The following TXNDC11 variants were observed in gnomAD, a reference collection of about 807,000 sequenced individuals.
The protein encoded by TXNDC11 is thioredoxin domain containing 11.
A neutral mutation model predicts 78.0 loss-of-function variants in TXNDC11; 68 were observed. The observed-to-expected ratio is 0.87, with a 90% confidence interval of 0.72 to 1.07. The LOEUF (loss-of-function observed/expected upper bound fraction) is 1.07, where lower values mean the gene tolerates loss of function less well. Among genes scored for constraint, TXNDC11 ranks in the 50% least tolerant of loss-of-function variants. The pLI is 0.00. For synonymous variants in TXNDC11, 571 were observed against 495.2 expected (o/e 1.15, Z -2.03); for missense variants, 1,389 against 1,221.8 (o/e 1.14, Z -2.04).
At position 11,691,957 on chromosome 16, in the gene TXNDC11, C is replaced by G. The variant is rs759717380; in HGVS notation, c.1233G>C (p.Gln411His). 1 of 1,610,210 alleles carries G rather than the reference C, an allele frequency of 6.2e-7. No homozygotes were observed. Among genetic ancestry groups the G allele is most frequent in the Admixed American group, 1.7e-5 (1 of 59,942 alleles). The part of the protein sequence containing the change: ...LESLALEVPA[Q>H]LPDPPTITAS... ...CTGTGATCGTTGGCGGGTCTGGCAG[C>G]TGTGCCGGCACTTCCAGGGCCAGGG... Residue 411 changes from glutamine (Q) to histidine (H), a missense_variant, in exon 8 of 12, where the codon CAG (glutamine) becomes CAC (histidine). By Grantham distance (24) the Gln-to-His change is conservative (BLOSUM62 0). Coordinates refer to ENST00000283033, the MANE Select transcript of TXNDC11 (RefSeq NM_015914.7).
intron 6 of TXNDC11, 32 bp downstream of exon 6, chr16:11,700,420 C>A: frequency 4.6e-6 from 5 of 1,084,728 alleles, no homozygotes; most frequent in Non-Finnish European, 5.6e-6. Context: ...AGAACCACTG[C>A]GCTAACATAA....
rs528008248 is a variant in TXNDC11 at position 11,731,166 on chromosome 16, C to T, written c.570-392G>A. Among the ~76,000 whole-genome samples, 18 of 152,262 alleles carry T rather than the reference C, an allele frequency of 1.2e-4. No individual in the cohort carries two copies. In the South Asian group the frequency reaches 1.7e-3, roughly 14 times the overall value. ...TCCAGGATTTAACTATACAATTCAA[C>T]GCAGGCGGGCAGACTTTCCTTCTAC... On this transcript the variant is annotated intron_variant, in intron 3 of 11. Coordinates refer to ENST00000283033, the MANE Select transcript of TXNDC11 (RefSeq NM_015914.7).
Position 11,742,585 on chromosome 16 carries a change from C to A in TXNDC11, c.146G>T (p.Arg49Leu). Residue 49 changes from arginine to leucine, a missense_variant, in exon 1 of 12, where the codon CGT becomes CTT. By Grantham distance (102) the Arg-to-Leu change is moderately radical. Coordinates refer to ENST00000283033, the MANE Select transcript of TXNDC11 (RefSeq NM_015914.7). ...LATASSAGRL[R>L]RGLRGAFLMA... ...GAGGAAGGCGCCACGCAGCCCGCGA[C>A]GGAGCCGGCCCGCCGAGGACGCTGT... 2 of 1,456,832 alleles carry A rather than the reference C, an allele frequency of 1.4e-6. No individual in the cohort carries two copies. Among genetic ancestry groups the A allele is most frequent in the Non-Finnish European group, 9.0e-7 (1 of 1,110,484 alleles). The allele number at this position is 1,456,832 out of a possible 1,614,324, so 90.2% of individuals were successfully genotyped here. A position where few individuals can be genotyped will look rare whatever the true frequency, so the allele number is the denominator to read the frequency against.
intron 11 of TXNDC11, among the ~76,000 whole-genome samples, chr16:11,681,163 C>T (rs1839382582): frequency 6.6e-6 from 1 of 152,126 alleles, no homozygotes; most frequent in Admixed American, 6.5e-5. Context: ...CAGAGTCAGA[C>T]CTTGTCTCAA....
At chr16:11,692,177 C>G (rs2050740848) in intron 7 of TXNDC11, 95 bp from the exon 8 acceptor site, 4 of 966,800 alleles carry the variant, frequency 4.1e-6, no homozygotes. Context: ...TTCAGTTATC[C>G]ATGGTCAACT....
chr16:11,707,551 C>T (rs879943079), intron 5 of TXNDC11, among the ~76,000 whole-genome samples: 10 of 151,670 alleles, frequency 6.6e-5, no homozygotes, highest in Non-Finnish European at 1.3e-4. Context: ...CAGGTTCAAG[C>T]GATTCTCCTG....
At chr16:11,718,476 T>C (rs1290303238) in intron 5 of TXNDC11, among the ~76,000 whole-genome samples, 2 of 152,226 alleles carry the variant, frequency 1.3e-5, no homozygotes, top group Non-Finnish European at 1.5e-5. Flanking sequence ...TAGAATTTAA[T>C]TTGAAACTGT....
At chr16:11,706,366 C>A (rs1270078395) in intron 5 of TXNDC11, among the ~76,000 whole-genome samples, 1 of 152,250 alleles carries the variant, frequency 6.6e-6, no homozygotes, top group Admixed American at 6.5e-5. Flanking sequence ...CTGCTTGCTA[C>A]AGAGGGTGCT....
chr16:11,691,200 A>G lies in TXNDC11; in HGVS notation c.1900+90T>C, dbSNP rs1188791614. The stretch of plus-strand genomic sequence containing the variant: ...GCTACGAAGGTGACATCACCCCACA[A>G]CTAAATGTAATGAGAGCCATCAATA... On this transcript the variant is annotated intron_variant, in intron 8 of 11. Transcript: ENST00000283033. 8.0e-6 allele frequency: 9 copies of G among 1,126,940 alleles called. 1 individual carries two copies. The Admixed American group carries it at 1.6e-4, about 20-fold the overall frequency. The allele number at this position is 1,126,940 out of a possible 1,614,324, so 69.8% of individuals were successfully genotyped here. A position where few individuals can be genotyped will look rare whatever the true frequency, so the allele number is the denominator to read the frequency against.
chr16:11,701,068 A>G lies in TXNDC11; in HGVS notation c.794-504T>C, dbSNP rs543041944. On this transcript the variant is annotated intron_variant, in intron 5 of 11. Coordinates refer to ENST00000283033, the MANE Select transcript of TXNDC11 (RefSeq NM_015914.7). ...TACCAATTACCCTATTTTTTATAGC[A>G]CTTATTAACATTTGCATAATCTCAT... Among the ~76,000 whole-genome samples the G allele has an allele frequency of 5.6e-4, 85 of 150,734 alleles. 1 individual carries two copies. In the South Asian group the frequency reaches 7.1e-3, roughly 13 times the overall value.
intron 2 of TXNDC11, 54 bp downstream of exon 2, chr16:11,735,963 C>A: frequency 6.4e-7 from 1 of 1,563,556 alleles, no homozygotes; most frequent in Non-Finnish European, 8.8e-7. Context: ...GGACATCCTG[C>A]CCTACATATA....
intron 10 of TXNDC11, among the ~76,000 whole-genome samples, chr16:11,684,744 C>T (rs2050519295): frequency 6.6e-6 from 1 of 152,198 alleles, no homozygotes; most frequent in Non-Finnish European, 1.5e-5. Context: ...TACTAACTCA[C>T]CCAGCCTGTG....
intron 5 of TXNDC11, among the ~76,000 whole-genome samples, chr16:11,719,420 A>G (rs2051637442): frequency 6.6e-6 from 1 of 152,236 alleles, no homozygotes; most frequent in Non-Finnish European, 1.5e-5. Context: ...AATTAGACAG[A>G]CATACTTATA....
At chr16:11,681,628 T>TG (rs573642058) in intron 11 of TXNDC11, among the ~76,000 whole-genome samples, 207 of 152,286 alleles carry the variant, frequency 1.4e-3, no homozygotes, top group African/African-American at 4.8e-3. Context: ...ATTCTTCCCC[T>TG]GGGACACATC....
intron 1 of TXNDC11, among the ~76,000 whole-genome samples, chr16:11,737,780 T>C (rs1801774141): frequency 6.7e-6 from 1 of 148,242 alleles, no homozygotes. Flanking sequence ...GCAGGAGAAT[T>C]GTGTAGGTTG....
chr16:11,709,599 T>C (rs1230765045), intron 5 of TXNDC11, among the ~76,000 whole-genome samples: 2 of 151,644 alleles, frequency 1.3e-5, no homozygotes, highest in East Asian at 3.9e-4. Flanking sequence ...CATGCCCGGC[T>C]AATTTTTTTG....
At chr16:11,724,702 A>C (rs2051821356) in intron 4 of TXNDC11, among the ~76,000 whole-genome samples, 1 of 152,218 alleles carries the variant, frequency 6.6e-6, no homozygotes, top group African/African-American at 2.4e-5. Flanking sequence ...AGAACATTCA[A>C]GGAAGAGGGA....
intron 11 of TXNDC11, among the ~76,000 whole-genome samples, chr16:11,683,279 C>G (rs959200104): frequency 9.2e-5 from 14 of 152,166 alleles, no homozygotes; most frequent in African/African-American, 3.4e-4. Context: ...AGAACTGCAC[C>G]TGGAATACTG....
chr16:11,714,390 C>A (rs1384979848), intron 5 of TXNDC11, among the ~76,000 whole-genome samples: 1 of 152,180 alleles, frequency 6.6e-6, no homozygotes, highest in Non-Finnish European at 1.5e-5. Context: ...CCTGTAACTC[C>A]AGCACTTTGG....
Sources: allele counts gnomAD v4.1 joint callset (sites outside exome capture counted in the v4.1 genomes callset), GRCh38; gene constraint gnomAD v4.1.1; transcripts MANE v1.5; gene names NCBI Gene and HGNC (gene_info 2026-07-23, HGNC 2026-07-21).